Variants in RABEP2 observed in about 807,000 individuals in gnomAD.
RABEP2 encodes rabaptin, RAB GTPase binding effector protein 2, also known as rab GTPase-binding effector protein 2.
RABEP2 carries 57 observed loss-of-function variants against 74.1 expected under a neutral mutation model. The ratio of observed to expected loss-of-function variants is 0.77; its 90% CI spans 0.62 to 0.96. The LOEUF is 0.96. Among genes scored for constraint, RABEP2 ranks in the 40% least tolerant of loss-of-function variants. RABEP2 has a pLI of 0.00. For synonymous variants in RABEP2, 351 were observed against 344.0 expected, an observed-to-expected ratio of 1.02 and a Z score of -0.23; for missense variants, 692 against 756.3, an observed-to-expected ratio of 0.91 and a Z score of 1.00.
At position 28,918,572 on chromosome 16, in the gene RABEP2, G is replaced by A. The variant is rs563609515; in HGVS notation, c.432+1214C>T. ...AGAGGTGGCAGTGAGTCGAGATTGC[G>A]CCACTGTACTCCAGCCTGGGTGACA... On this transcript the variant is annotated intron_variant, in intron 3 of 12. Coordinates refer to ENST00000358201, the MANE Select transcript of RABEP2 (RefSeq NM_024816.3). 3.9e-5 allele frequency among the ~76,000 whole-genome samples: 6 copies of A among 151,954 alleles called. No individual in the cohort carries two copies. The South Asian group carries it at 6.2e-4, about 16-fold the overall frequency.
rs769557331 is a variant in RABEP2 at position 28,919,950 on chromosome 16, G to C, written c.275-7C>G. The C allele has an allele frequency of 6.3e-7, 1 of 1,581,230 alleles. No individual in the cohort carries two copies. Among genetic ancestry groups the C allele is most frequent in the African/African-American group, 1.3e-5 (1 of 74,390 alleles). ...TCATAGCTGCTGATGGAGTCTGGTG[G>C]GGGAGAGGGAGGGTGGGAGAGAGGG... On this transcript the variant is annotated splice_region_variant and splice_polypyrimidine_tract_variant and intron_variant, in intron 2 of 12. Transcript: ENST00000358201.
At chr16:28,913,795 T>C (rs1964345835) in intron 5 of RABEP2, among the ~76,000 whole-genome samples, 1 of 150,094 alleles carries the variant, frequency 6.7e-6, no homozygotes, top group African/African-American at 2.4e-5. Flanking sequence ...TTTTTTTTTT[T>C]TTTTGAGACA....
rs532162285 is a variant in RABEP2, at chr16:28,915,959, C to A, written c.433-1177G>T. 3.3e-5 allele frequency among the ~76,000 whole-genome samples: 5 copies of A among 152,244 alleles called. No individual in the cohort carries two copies. The South Asian group carries it at 1.0e-3, about 32-fold the overall frequency. On this transcript the variant is annotated intron_variant, in intron 3 of 12. Coordinates refer to ENST00000358201, the MANE Select transcript of RABEP2 (RefSeq NM_024816.3). ...GGTTCAAGCGATTCTCCTGCCTCAG[C>A]CTCCCAAGTAGCTAGAATTACAGAT...
intron 2 of RABEP2, chr16:28,921,228 A>C: frequency 2.2e-6 from 1 of 455,998 alleles, no homozygotes; most frequent in South Asian, 1.5e-5. Context: ...AAATACAGAA[A>C]TTAATCAAAC....
intron 12 of RABEP2, 93 bp from the exon 13 acceptor site, chr16:28,905,137 G>T: frequency 9.3e-7 from 1 of 1,079,724 alleles, no homozygotes; most frequent in Non-Finnish European, 1.3e-6. Context: ...CCTGGTACCA[G>T]TGGACCCAGG....
intron 5 of RABEP2, among the ~76,000 whole-genome samples, chr16:28,912,492 C>G (rs551918202): frequency 6.7e-6 from 1 of 150,088 alleles, no homozygotes; most frequent in African/African-American, 2.5e-5. Flanking sequence ...CTCACTGCAG[C>G]ATCGACCTCC....
At position 28,906,133 on chromosome 16, in the gene RABEP2, G is replaced by A. The variant is rs563785985; in HGVS notation, c.1309C>T (p.His437Tyr). Residue 437 changes from histidine to tyrosine, a missense_variant, in exon 9 of 13, where the codon CAC (histidine) becomes TAC (tyrosine). Transcript: ENST00000358201. ...EARARLQAQE[H>Y]GAERLRIEIV... The stretch of plus-strand genomic sequence containing the variant: ...TCGATCCGCAGGCGCTCGGCCCCGT[G>A]CTCCTGGGCCTGCAGCCGGGCCCTC... 2 of 1,581,318 alleles carry A rather than the reference G, an allele frequency of 1.3e-6. No homozygotes were observed. The highest frequency in any genetic ancestry group is 2.7e-5 in the African/African-American group (2 of 74,390).
chr16:28,916,810 C>A (rs1483823969), intron 3 of RABEP2, among the ~76,000 whole-genome samples: 2 of 151,700 alleles, frequency 1.3e-5, no homozygotes, highest in Non-Finnish European at 2.9e-5. Context: ...GTGGTGAAAC[C>A]CCATCTCTAC....
intron 3 of RABEP2, among the ~76,000 whole-genome samples, chr16:28,917,386 T>G (rs944102179): frequency 6.6e-6 from 1 of 152,208 alleles, no homozygotes; most frequent in Non-Finnish European, 1.5e-5. Context: ...TTGAATCACT[T>G]GAAATCTTCT....
rs1351650702 is a variant in RABEP2, at chr16:28,924,618, G to A, written c.62-3C>T. The A allele has an allele frequency of 6.2e-7, 1 of 1,606,710 alleles. No individual in the cohort carries two copies. The highest frequency in any genetic ancestry group is 1.3e-5 in the African/African-American group (1 of 74,888). ...CTGGGACCGGGAGTCCTCCAGTGCT[G>A]TGGGGGACAGGGATCAGCCTCTCTT... On this transcript the variant is annotated splice_polypyrimidine_tract_variant and splice_region_variant and intron_variant, in intron 1 of 12. Coordinates refer to ENST00000358201, the MANE Select transcript of RABEP2 (RefSeq NM_024816.3).
At chr16:28,912,827 C>G (rs932372057) in intron 5 of RABEP2, among the ~76,000 whole-genome samples, 7 of 152,162 alleles carry the variant, frequency 4.6e-5, no homozygotes, top group African/African-American at 1.7e-4. Flanking sequence ...AGGTCGGACT[C>G]ATGTGGCCCT....
At chr16:28,924,313 C>T in intron 2 of RABEP2, 90 bp downstream of exon 2, 1 of 1,312,596 alleles carries the variant, frequency 7.6e-7, no homozygotes. Flanking sequence ...CTAACCTATC[C>T]CATAGCTTAT....
At chr16:28,910,684 C>G (rs950568065) in intron 7 of RABEP2, 7 of 557,532 alleles carry the variant, frequency 1.3e-5, no homozygotes, top group African/African-American at 9.4e-5. Context: ...TCAAACAGCT[C>G]TGTGTGGCTG....
Position 28,905,408 on chromosome 16 carries a change from G to A in RABEP2, c.1597C>T (p.Gln533Ter), listed in dbSNP as rs1964210869. 1 of 1,605,802 alleles carries A rather than the reference G, an allele frequency of 6.2e-7. No homozygotes were observed. Among genetic ancestry groups the A allele is most frequent in the South Asian group, 1.1e-5 (1 of 89,182 alleles). ...GGGACAGGCCATACCTGCAGGGCCT[G>A]GGACAGTCGCACGAAATCCCTCTGC... ...QVQRDFVRLSQALQVRLERIR... is the reference protein window; with the variant it reads ...QVQRDFVRLS Residue 533 changes from glutamine (Q) to a stop codon, truncating the protein, a stop_gained, in exon 12 of 13, where the codon CAG becomes TAG. Transcript: ENST00000358201. LOFTEE classifies it high-confidence loss of function.
rs149565599 is a variant in RABEP2, at chr16:28,908,780, T to A, written c.1090-16A>T. 1 of 1,613,004 alleles carries A rather than the reference T, an allele frequency of 6.2e-7. No individual in the cohort carries two copies. Among genetic ancestry groups the A allele is most frequent in the African/African-American group, 1.3e-5 (1 of 74,992 alleles). On this transcript the variant is annotated splice_polypyrimidine_tract_variant and intron_variant, in intron 7 of 12. Transcript: ENST00000358201. ...CCAGCTCCGCCTATGGACAGACAGT[T>A]AGTATAAGGCAATGAAGAGGACAGG...
chr16:28,908,169 G>C (rs1964261795), intron 8 of RABEP2, among the ~76,000 whole-genome samples: 1 of 152,126 alleles, frequency 6.6e-6, no homozygotes, highest in African/African-American at 2.4e-5. Context: ...TCAAATTCCT[G>C]ACCTCAAGTG....
chr16:28,907,665 C>A (rs1174418040), intron 8 of RABEP2, among the ~76,000 whole-genome samples: 1 of 151,978 alleles, frequency 6.6e-6, no homozygotes, highest in Non-Finnish European at 1.5e-5. Context: ...TGAGATGGAG[C>A]CTTGCTCTCT....
At chr16:28,915,991 C>T (rs1417130122) in intron 3 of RABEP2, among the ~76,000 whole-genome samples, 1 of 152,122 alleles carries the variant, frequency 6.6e-6, no homozygotes, top group East Asian at 1.9e-4. Context: ...AGATGCGTGC[C>T]ACCACGCCCA....
intron 8 of RABEP2, among the ~76,000 whole-genome samples, chr16:28,908,080 G>A (rs978771251): frequency 2.0e-5 from 3 of 152,116 alleles, no homozygotes; most frequent in Admixed American, 6.6e-5. Flanking sequence ...GATTACAGGC[G>A]TGAGCCACCG....
Sources: allele counts gnomAD v4.1 joint callset (sites outside exome capture counted in the v4.1 genomes callset), GRCh38; gene constraint gnomAD v4.1.1; transcripts MANE v1.5; gene names NCBI Gene and HGNC (gene_info 2026-07-23, HGNC 2026-07-21).